SLC27A6: variants seen among roughly 807,000 people sequenced by gnomAD.
SLC27A6 encodes the protein long-chain fatty acid transport protein 6.
A neutral mutation model predicts 63.9 loss-of-function variants in SLC27A6; 74 were observed. The observed-to-expected ratio is 1.16, with a 90% CI of 0.96 to 1.40. The LOEUF (loss-of-function observed/expected upper bound fraction) is 1.40, where lower values mean the gene tolerates loss of function less well. Among genes scored for constraint, SLC27A6 ranks in the 40% most tolerant of loss-of-function variants. The pLI is 0.00. For synonymous variants in SLC27A6, 287 were observed against 260.8 expected (o/e 1.10, Z -0.97); for missense variants, 794 against 732.9 (o/e 1.08, Z -0.96).
chr5:129,019,172 A>G (rs1751997182), intron 5 of SLC27A6, among the ~76,000 whole-genome samples: 1 of 152,132 alleles, frequency 6.6e-6, no homozygotes, highest in Non-Finnish European at 1.5e-5. Flanking sequence ...TTAATGCATA[A>G]AACTGAAGAG....
intron 6 of SLC27A6, among the ~76,000 whole-genome samples, chr5:129,026,729 T>C (rs1752257418): frequency 6.6e-6 from 1 of 152,126 alleles, no homozygotes; most frequent in Non-Finnish European, 1.5e-5. Flanking sequence ...TCATGGTAAA[T>C]GCCCAATAAA....
chr5:129,003,007 C>T (rs771226985), intron 4 of SLC27A6, among the ~76,000 whole-genome samples: 19 of 152,032 alleles, frequency 1.2e-4, no homozygotes, highest in Admixed American at 5.2e-4. Flanking sequence ...TATGTGCACC[C>T]GAGTCTTCTT....
intron 5 of SLC27A6, among the ~76,000 whole-genome samples, chr5:129,022,995 CG>C (rs1212628833): frequency 6.6e-6 from 1 of 151,938 alleles, no homozygotes; most frequent in Non-Finnish European, 1.5e-5. Context: ...GTTCTTGATG[CG>C]ATGGGAGTTT....
chr5:129,020,169 T>G (rs757725836), intron 5 of SLC27A6, among the ~76,000 whole-genome samples: 2 of 152,162 alleles, frequency 1.3e-5, no homozygotes, highest in African/African-American at 4.8e-5. Flanking sequence ...TTGGCTTCAC[T>G]TAAGAATTTT....
chr5:129,033,237 C>A lies in SLC27A6; in HGVS notation c.1815C>A (p.Thr605=), dbSNP rs188575229. ...DNLKKSYVLL[T]RELYDQIMLG... ...TGAAAAAGTCTTATGTTCTACTGAC[C>A]AGGGAACTTTATGATCAAATAATGT... is the stretch of plus-strand genomic sequence containing the variant. Residue 605 remains threonine, a synonymous_variant, in exon 10 of 10, where the codon ACC becomes ACA. Transcript: ENST00000262462. 4 of 1,588,884 alleles carry A rather than the reference C, an allele frequency of 2.5e-6. No homozygotes were observed. The African/African-American group carries it at 4.1e-5, about 16-fold the overall frequency.
At chr5:129,028,698 A>G (rs1471977148) in intron 8 of SLC27A6, among the ~76,000 whole-genome samples, 2 of 151,260 alleles carry the variant, frequency 1.3e-5, no homozygotes, top group Admixed American at 6.6e-5. Flanking sequence ...ACTCTGATCA[A>G]TGTCTCACTG....
Position 128,985,241 on chromosome 5 carries a change from T to C in SLC27A6, c.590T>C (p.Leu197Pro), listed in dbSNP as rs1479817941. 6.2e-7 allele frequency: 1 copy of C among 1,614,068 alleles called. No homozygotes were observed. Among genetic ancestry groups the C allele is most frequent in the African/African-American group, 1.3e-5 (1 of 75,038 alleles). Reference sequence around the variant, plus strand: ...GGTGTAATTTCACTCAAAGAAAAACTGAGCACCTCACCTGATGAGCCCGTG... The same window carrying C: ...GGTGTAATTTCACTCAAAGAAAAACCGAGCACCTCACCTGATGAGCCCGTG... ...PQGVISLKEK[L>P]STSPDEPVPR... The change falls in exon 2 of 10, where the codon CTG becomes CCG. Residue 197 changes from leucine (L) to proline (P), a missense_variant. By Grantham distance (98) the Leu-to-Pro change is moderately conservative (BLOSUM62 -3). Transcript: ENST00000262462.
intron 5 of SLC27A6, among the ~76,000 whole-genome samples, chr5:129,023,385 A>G (rs1238848118): frequency 1.3e-5 from 2 of 152,152 alleles, no homozygotes; most frequent in Non-Finnish European, 2.9e-5. Context: ...AGTGTACCAC[A>G]AAAGAAATGA....
intron 4 of SLC27A6, among the ~76,000 whole-genome samples, chr5:129,011,059 A>G (rs373795517): frequency 6.6e-6 from 1 of 152,128 alleles, no homozygotes; most frequent in African/African-American, 2.4e-5. Flanking sequence ...TTTACTATTG[A>G]TGGATTTGGA....
chr5:128,966,568 T>C lies in SLC27A6; in HGVS notation c.431T>C (p.Leu144Pro), dbSNP rs1391366821. Residue 144 changes from leucine to proline, a missense_variant, in exon 1 of 10, where the codon CTC (leucine) becomes CCC (proline). By Grantham distance (98) the Leu-to-Pro change is moderately conservative. Transcript: ENST00000262462. ...FLNTNIRSNS[L>P]LNCIRACGPR... is the part of the protein sequence containing the mutation. Reference sequence around the variant, plus strand: ...AACACCAACATTCGCTCCAACTCCCTCCTGAATTGCATCCGCGCCTGTGGG... The same window carrying C: ...AACACCAACATTCGCTCCAACTCCCCCCTGAATTGCATCCGCGCCTGTGGG... The C allele has an allele frequency of 6.4e-7, 1 of 1,559,794 alleles. No individual in the cohort carries two copies. Among genetic ancestry groups the C allele is most frequent in the African/African-American group, 1.4e-5 (1 of 73,522 alleles).
At chr5:128,987,189 T>C (rs955550318) in intron 2 of SLC27A6, among the ~76,000 whole-genome samples, 2 of 152,094 alleles carry the variant, frequency 1.3e-5, no homozygotes, top group South Asian at 4.1e-4. Flanking sequence ...TTCTCTTTAA[T>C]ATATATAACT....
chr5:129,015,408 A>G (rs1206533296), intron 4 of SLC27A6, among the ~76,000 whole-genome samples: 1 of 152,182 alleles, frequency 6.6e-6, no homozygotes, highest in Non-Finnish European at 1.5e-5. Flanking sequence ...CTGCGTATTA[A>G]CTATACACTA....
chr5:128,994,847 C>G (rs559032242), intron 4 of SLC27A6, among the ~76,000 whole-genome samples: 6 of 152,308 alleles, frequency 3.9e-5, no homozygotes, highest in African/African-American at 1.4e-4. Context: ...AGCATTTATC[C>G]TTTCCCATCT....
intron 5 of SLC27A6, among the ~76,000 whole-genome samples, chr5:129,017,241 C>T (rs1580741335): frequency 6.6e-6 from 1 of 151,950 alleles, no homozygotes; most frequent in African/African-American, 2.4e-5. Context: ...ATAAATTATG[C>T]TCTCTGAAAA....
chr5:128,990,493 ATG>A (rs1561618098), intron 4 of SLC27A6, 29 bp downstream of exon 4: 1 of 1,563,498 alleles, frequency 6.4e-7, no homozygotes, highest in Admixed American at 1.9e-5. Flanking sequence ...AGAAAAAAAT[ATG>A]TCAGAAAGAA....
At chr5:128,974,358 C>T (rs1332307928) in intron 1 of SLC27A6, among the ~76,000 whole-genome samples, 2 of 152,186 alleles carry the variant, frequency 1.3e-5, no homozygotes, top group Non-Finnish European at 2.9e-5. Flanking sequence ...AGTTGATTGG[C>T]TCGGTAAGTA....
chr5:128,982,971 A>T (rs112944145), intron 1 of SLC27A6, among the ~76,000 whole-genome samples: 20 of 152,128 alleles, frequency 1.3e-4, no homozygotes, highest in African/African-American at 4.3e-4. Flanking sequence ...GCTTAGTCCC[A>T]CTTGACATAT....
intron 6 of SLC27A6, among the ~76,000 whole-genome samples, chr5:129,024,412 C>T (rs1026905403): frequency 2.0e-5 from 3 of 152,106 alleles, no homozygotes; most frequent in Non-Finnish European, 4.4e-5. Flanking sequence ...AATGGTGCAA[C>T]TTTAGACAGA....
intron 4 of SLC27A6, among the ~76,000 whole-genome samples, chr5:129,000,157 A>G (rs2150141439): frequency 6.6e-6 from 1 of 152,294 alleles, no homozygotes; most frequent in South Asian, 2.1e-4. Context: ...GCAGTCACGC[A>G]TGAAGAATGG....
Sources: allele counts gnomAD v4.1 joint callset (sites outside exome capture counted in the v4.1 genomes callset), GRCh38; gene constraint gnomAD v4.1.1; transcripts MANE v1.5; gene names NCBI Gene and HGNC (gene_info 2026-07-23, HGNC 2026-07-21).